TEAD1: variants seen among roughly 807,000 people sequenced by gnomAD.
The protein encoded by TEAD1 is TEA domain transcription factor 1, also known as transcriptional enhancer factor TEF-1.
Under a neutral mutation model 54.9 loss-of-function variants are expected in TEAD1, and 9 were observed. The observed-to-expected ratio is 0.16, with a 90% CI of 0.10 to 0.29. The LOEUF (loss-of-function observed/expected upper bound fraction) is 0.29, where lower values mean the gene tolerates loss of function less well. Among genes scored for constraint, TEAD1 ranks in the 10% least tolerant of loss-of-function variants. The pLI is 1.00. For synonymous variants in TEAD1, 200 were observed against 187.8 expected, an observed-to-expected ratio of 1.07 and a Z score of -0.53; for missense variants, 387 against 535.9, an observed-to-expected ratio of 0.72 and a Z score of 2.74.
intron 3 of TEAD1, among the ~76,000 whole-genome samples, chr11:12,811,639 C>G (rs1333870994): frequency 2.0e-5 from 3 of 152,076 alleles, no homozygotes; most frequent in Non-Finnish European, 1.5e-5. Flanking sequence ...CGTCTGTGGT[C>G]TCTGGGGCAA....
chr11:12,872,710 G>A (rs11022523), intron 5 of TEAD1, among the ~76,000 whole-genome samples: 34,120 of 152,022 alleles, frequency 0.22, 5,345 homozygotes, highest in East Asian at 0.71. Context: ...TCTTCATAGC[G>A]AAATCCCATT....
chr11:12,862,461 G>A (rs1008431836), intron 4 of TEAD1, 147 bp downstream of exon 4: 6 of 724,506 alleles, frequency 8.3e-6, no homozygotes, highest in Admixed American at 4.2e-5. Context: ...TTTTAAATTG[G>A]CTCAGTTTTC....
chr11:12,709,777 C>G (rs1943895327), intron 2 of TEAD1, among the ~76,000 whole-genome samples: 1 of 152,118 alleles, frequency 6.6e-6, no homozygotes, highest in Admixed American at 6.5e-5. Flanking sequence ...AATCCTCCTG[C>G]CTTGGTTTCA....
At chr11:12,848,772 C>G (rs566112302) in intron 3 of TEAD1, 1 of 151,240 alleles carries the variant, frequency 6.6e-6, no homozygotes, top group East Asian at 2.0e-4. Flanking sequence ...ACAGTGAGAC[C>G]CCATCTCTAC....
chr11:12,859,148 C>T (rs1947449736), intron 3 of TEAD1, among the ~76,000 whole-genome samples: 1 of 152,156 alleles, frequency 6.6e-6, no homozygotes, highest in African/African-American at 2.4e-5. Context: ...CCAAGGGGTG[C>T]CATTTGTATA....
At chr11:12,676,151 A>G (rs887800751) in intron 2 of TEAD1, among the ~76,000 whole-genome samples, 1 of 152,270 alleles carries the variant, frequency 6.6e-6, no homozygotes, top group South Asian at 2.1e-4. Flanking sequence ...ACATTTCAAA[A>G]TAGTAAAAAG....
chr11:12,756,403 A>G (rs905271967), intron 2 of TEAD1, among the ~76,000 whole-genome samples: 5 of 152,196 alleles, frequency 3.3e-5, no homozygotes, highest in Admixed American at 6.5e-5. Flanking sequence ...GTGGTTGCCT[A>G]CAAAATCCAG....
chr11:12,698,212 G>C (rs575177999), intron 2 of TEAD1, among the ~76,000 whole-genome samples: 32 of 152,280 alleles, frequency 2.1e-4, no homozygotes, highest in African/African-American at 7.5e-4. Context: ...GTGAGGAAGC[G>C]GGGACCGGGA....
At chr11:12,695,921 C>G (rs79841509) in intron 2 of TEAD1, among the ~76,000 whole-genome samples, 3,815 of 152,272 alleles carry the variant, frequency 0.025, 143 homozygotes, top group African/African-American at 0.088. Flanking sequence ...GTTCTGCCCC[C>G]TTTCAGGTGA....
At chr11:12,725,069 T>C (rs1944287198) in intron 2 of TEAD1, among the ~76,000 whole-genome samples, 1 of 152,204 alleles carries the variant, frequency 6.6e-6, no homozygotes. Context: ...TGTCACTCTG[T>C]TGATATGCCT....
intron 2 of TEAD1, among the ~76,000 whole-genome samples, chr11:12,701,382 A>G (rs1326125668): frequency 6.6e-6 from 1 of 152,120 alleles, no homozygotes; most frequent in East Asian, 1.9e-4. Context: ...CTTTTCCAGA[A>G]CCTGTAGCAA....
At chr11:12,843,715 T>G (rs1000911192) in intron 3 of TEAD1, among the ~76,000 whole-genome samples, 17 of 152,246 alleles carry the variant, frequency 1.1e-4, no homozygotes, top group African/African-American at 4.1e-4. Context: ...AATAAAGTTT[T>G]AAAACCACAT....
chr11:12,790,252 G>T (rs1192261734), intron 3 of TEAD1, among the ~76,000 whole-genome samples: 1 of 152,240 alleles, frequency 6.6e-6, no homozygotes, highest in Non-Finnish European at 1.5e-5. Context: ...TTTTCTCCCA[G>T]CCTGATGGGA....
intron 2 of TEAD1, among the ~76,000 whole-genome samples, chr11:12,728,503 G>T (rs2133875467): frequency 6.6e-6 from 1 of 152,308 alleles, no homozygotes; most frequent in East Asian, 1.9e-4. Flanking sequence ...CACTGAGCAG[G>T]GGGTATCTGA....
intron 2 of TEAD1, among the ~76,000 whole-genome samples, chr11:12,720,098 A>G (rs751012854): frequency 6.6e-6 from 1 of 150,636 alleles, no homozygotes; most frequent in African/African-American, 2.4e-5. Flanking sequence ...GGCATCTCTC[A>G]TTATATAATG....
At chr11:12,822,702 C>T (rs1458363645) in intron 3 of TEAD1, 1 of 152,240 alleles carries the variant, frequency 6.6e-6, no homozygotes, top group Non-Finnish European at 1.5e-5. Flanking sequence ...TCATGCAGCT[C>T]ACAGGATAGT....
intron 10 of TEAD1, 146 bp downstream of exon 10, chr11:12,902,259 C>T: frequency 8.8e-7 from 1 of 1,133,694 alleles, no homozygotes; most frequent in Non-Finnish European, 1.3e-6. Context: ...AGCACGGACT[C>T]ACACCTGTGA....
At chr11:12,695,963 A>G (rs1459212510) in intron 2 of TEAD1, among the ~76,000 whole-genome samples, 1 of 152,174 alleles carries the variant, frequency 6.6e-6, no homozygotes, top group East Asian at 1.9e-4. Context: ...TCTGAAGAAA[A>G]AAGGAGGAAC....
At chr11:12,895,162 T>C (rs1261799010) in intron 9 of TEAD1, among the ~76,000 whole-genome samples, 1 of 152,024 alleles carries the variant, frequency 6.6e-6, no homozygotes, top group African/African-American at 2.4e-5. Context: ...AAGTGACCCA[T>C]AGAGCAGCTT....
Sources: gnomAD v4.1 joint callset for allele counts (sites outside exome capture counted in the v4.1 genomes callset) on GRCh38, gnomAD v4.1.1 for gene constraint, MANE v1.5 for transcripts, NCBI Gene and HGNC (gene_info 2026-07-23, HGNC 2026-07-21) for gene names.